The following PLEKHA5 variants were observed in gnomAD, a reference collection of about 807,000 sequenced individuals.
PLEKHA5 encodes pleckstrin homology domain-containing family A member 5.
Under a neutral mutation model 181.9 loss-of-function variants are expected in PLEKHA5, and 55 were observed. That is an observed-to-expected ratio of 0.30 (90% CI 0.24 to 0.38). The LOEUF is 0.38. PLEKHA5 is among the 10% of genes least tolerant of loss of function. The probability of loss-of-function intolerance (pLI) is 1.00; values close to 1 mark genes in which losing one functional copy is unlikely to be tolerated. For missense variants in PLEKHA5, 1,432 were observed against 1,549.5 expected, an observed-to-expected ratio of 0.92 and a Z score of 1.27; for synonymous variants, 535 against 529.4, an observed-to-expected ratio of 1.01 and a Z score of -0.15.
chr12:19,137,163 G>A (rs1346768024), intron 3 of PLEKHA5, among the ~76,000 whole-genome samples: 1 of 151,966 alleles, frequency 6.6e-6, no homozygotes, highest in Non-Finnish European at 1.5e-5. Context: ...CTCCCAAGTA[G>A]TTGAGATTAC....
At chr12:19,219,234 G>T (rs1028114404) in intron 3 of PLEKHA5, among the ~76,000 whole-genome samples, 1 of 152,094 alleles carries the variant, frequency 6.6e-6, no homozygotes, top group Non-Finnish European at 1.5e-5. Flanking sequence ...TGATGATTTG[G>T]ATATAGGCAG....
Position 19,283,575 on chromosome 12 carries a change from G to C in PLEKHA5, c.1609G>C (p.Val537Leu), listed in dbSNP as rs2076618119. The change falls in exon 12 of 32, where the codon GTA (valine) becomes CTA (leucine). Residue 537 changes from valine to leucine, a missense_variant. Physicochemically the swap from Val to Leu is conservative, Grantham distance 32. This residue lies in a region of PLEKHA5 where 1,143 missense variants were observed against 1,168.4 expected (regional missense o/e 0.98). Transcript: ENST00000429027. The part of the protein sequence containing the change: ...HSTLSSPKTM[V>L]NISDQTMHSI... ...TACTTTGAGTAGTCCCAAAACCATG[G>C]TAAATATTTCTGACCAGACAATGCA... is the stretch of plus-strand genomic sequence containing the variant. The C allele has an allele frequency of 1.2e-6, 2 of 1,613,976 alleles. No individual in the cohort carries two copies. The highest frequency in any genetic ancestry group is 2.7e-5 in the African/African-American group (2 of 74,886).
chr12:19,292,294 A>T (rs373923479), intron 15 of PLEKHA5, among the ~76,000 whole-genome samples: 3 of 152,164 alleles, frequency 2.0e-5, no homozygotes, highest in African/African-American at 7.2e-5. Context: ...TAATCCCAGC[A>T]GCTTGGGAGG....
At chr12:19,271,458 T>TCCAGCACAGTGGA in intron 10 of PLEKHA5, among the ~76,000 whole-genome samples, 1 of 152,172 alleles carries the variant, frequency 6.6e-6, no homozygotes, top group East Asian at 1.9e-4. Flanking sequence ...GAGCTGTGAC[T>TCCAGCACAGTGGA]GTGCCACTGC....
intron 3 of PLEKHA5, chr12:19,243,326 T>C (rs1364067895): frequency 6.6e-6 from 1 of 152,246 alleles, no homozygotes; most frequent in African/African-American, 2.4e-5. Context: ...GTATGACTTC[T>C]GGCAACTTTC....
At chr12:19,136,238 A>G (rs1022411304) in intron 3 of PLEKHA5, among the ~76,000 whole-genome samples, 2 of 152,110 alleles carry the variant, frequency 1.3e-5, no homozygotes, top group Non-Finnish European at 2.9e-5. Flanking sequence ...TAATTTTTCT[A>G]TGTGCCCTAA....
chr12:19,231,608 A>G (rs3983602), intron 3 of PLEKHA5, among the ~76,000 whole-genome samples: 3,342 of 19,806 alleles, frequency 0.17, 486 homozygotes, highest in Non-Finnish European at 0.34. Flanking sequence ...ACATATATAT[A>G]TATAAATACT....
At chr12:19,308,582 A>C (rs2085030407) in intron 15 of PLEKHA5, among the ~76,000 whole-genome samples, 1 of 152,156 alleles carries the variant, frequency 6.6e-6, no homozygotes, top group African/African-American at 2.4e-5. Flanking sequence ...CATTACTTAC[A>C]GAGTTTTATT....
At chr12:19,230,488 C>A (rs2060353142) in intron 3 of PLEKHA5, among the ~76,000 whole-genome samples, 1 of 152,144 alleles carries the variant, frequency 6.6e-6, no homozygotes, top group Non-Finnish European at 1.5e-5. Context: ...GGCTGCAGGT[C>A]CAGAGCCCTG....
chr12:19,237,685 ATTTAAAGAAATTAAGAAGTTTCTTAATTT>A (rs1328197248), intron 3 of PLEKHA5, among the ~76,000 whole-genome samples: 1 of 152,028 alleles, frequency 6.6e-6, no homozygotes, highest in Non-Finnish European at 1.5e-5. Flanking sequence ...TTTATTTAGC[ATTTAAAGAAATTAAGAAGTTTCTTAATTT>A]TTTAAAGAAA....
Position 19,343,573 on chromosome 12 carries a change from T to A in PLEKHA5, c.2662+139T>A, listed in dbSNP as rs2094103021. ...CAGAGTGTACTTAAACAAATCTAGT[T>A]GTATGGCCTACTACACACCTAGGCT... is the stretch of plus-strand genomic sequence containing the variant. On this transcript the variant is annotated intron_variant, in intron 22 of 31. Coordinates refer to ENST00000429027, the MANE Select transcript of PLEKHA5 (RefSeq NM_001256470.2). 1.1e-5 allele frequency: 7 copies of A among 648,914 alleles called. No individual in the cohort carries two copies. The Admixed American group carries it at 1.5e-4, about 13-fold the overall frequency. 40.2% of individuals were successfully genotyped at this position (648,914 alleles called of 1,614,324 possible). A position where few individuals can be genotyped will look rare whatever the true frequency, so the allele number is the denominator to read the frequency against.
chr12:19,361,758 A>G, intron 29 of PLEKHA5, 52 bp downstream of exon 29: 2 of 1,472,214 alleles, frequency 1.4e-6, no homozygotes, highest in Non-Finnish European at 1.9e-6. Flanking sequence ...GTAACTGCTT[A>G]AAAATGGTGA....
intron 20 of PLEKHA5, among the ~76,000 whole-genome samples, chr12:19,330,075 AC>A (rs1342404430): frequency 1.3e-5 from 2 of 152,198 alleles, no homozygotes; most frequent in Non-Finnish European, 2.9e-5. Context: ...AAGAAAATCC[AC>A]AAAAAAGCCA....
chr12:19,178,935 C>T (rs1045490803), intron 3 of PLEKHA5, among the ~76,000 whole-genome samples: 3 of 152,152 alleles, frequency 2.0e-5, no homozygotes, highest in Non-Finnish European at 4.4e-5. Context: ...ACCTAGAAAT[C>T]ATGTATGTCC....
At chr12:19,131,113 T>C (rs529778252) in intron 2 of PLEKHA5, among the ~76,000 whole-genome samples, 1 of 152,346 alleles carries the variant, frequency 6.6e-6, no homozygotes, top group Non-Finnish European at 1.5e-5. Context: ...ATGTGTTCTC[T>C]TACTGGCCTG....
chr12:19,225,292 T>C (rs7398982), intron 3 of PLEKHA5, among the ~76,000 whole-genome samples: 146,576 of 152,230 alleles, frequency 0.96, 70,804 homozygotes, highest in Middle Eastern at 1. Context: ...GAGCATGTAG[T>C]CCTTTTCATA....
chr12:19,375,238 C>G (rs543872587), intron 31 of PLEKHA5, among the ~76,000 whole-genome samples: 2 of 151,560 alleles, frequency 1.3e-5, no homozygotes, highest in African/African-American at 2.4e-5. Flanking sequence ...GCAGGAGAAT[C>G]GCTTGAACCC....
At chr12:19,322,726 T>A in intron 20 of PLEKHA5, 59 bp downstream of exon 20, 1 of 1,206,846 alleles carries the variant, frequency 8.3e-7, no homozygotes, top group East Asian at 2.3e-5. Context: ...TTCTATTTTC[T>A]TCTCTTTTTT....
intron 3 of PLEKHA5, among the ~76,000 whole-genome samples, chr12:19,199,572 T>G (rs2152056251): frequency 6.6e-6 from 1 of 152,288 alleles, no homozygotes. Flanking sequence ...CAGTGTGATC[T>G]TAGGAGCTTG....
Sources: gnomAD v4.1 joint callset for allele counts (sites outside exome capture counted in the v4.1 genomes callset) on GRCh38, gnomAD v4.1.1 for gene constraint, gnomAD v4.1.1 regional missense constraint, MANE v1.5 for transcripts, NCBI Gene and HGNC (gene_info 2026-07-23, HGNC 2026-07-21) for gene names.